Variants in NEGR1 observed in about 807,000 individuals in gnomAD.
The protein encoded by NEGR1 is IgLON family member 4.
A neutral mutation model predicts 40.9 loss-of-function variants in NEGR1; 10 were observed. That is an observed-to-expected ratio of 0.24 (90% CI 0.15 to 0.42). NEGR1 has a LOEUF of 0.42. Among genes scored for constraint, NEGR1 ranks in the 10% least tolerant of loss-of-function variants. The pLI is 1.00. For missense variants in NEGR1, 352 were observed against 438.9 expected, an observed-to-expected ratio of 0.80 and a Z score of 1.77; for synonymous variants, 185 against 166.8, an observed-to-expected ratio of 1.11 and a Z score of -0.84.
intron 2 of NEGR1, among the ~76,000 whole-genome samples, chr1:71,858,229 C>G (rs1227776615): frequency 6.6e-6 from 1 of 152,042 alleles, no homozygotes; most frequent in Non-Finnish European, 1.5e-5. Context: ...CCAAAGCTCA[C>G]AGTGAAATAT....
At chr1:71,644,878 A>G (rs1312565343) in intron 4 of NEGR1, among the ~76,000 whole-genome samples, 1 of 151,844 alleles carries the variant, frequency 6.6e-6, no homozygotes, top group Non-Finnish European at 1.5e-5. Flanking sequence ...CCAGGCTACT[A>G]TCTGTTCACA....
intron 3 of NEGR1, among the ~76,000 whole-genome samples, chr1:71,747,639 G>T (rs1318764547): frequency 1.3e-5 from 2 of 151,848 alleles, no homozygotes; most frequent in South Asian, 2.1e-4. Flanking sequence ...TGGCCAGTCT[G>T]GTCTCAAACT....
rs1353107942 is a variant in NEGR1, at chr1:71,399,620, G to A, written c.*7826C>T. 1.3e-5 allele frequency: 2 copies of A among 152,218 alleles called. No individual in the cohort carries two copies. Among genetic ancestry groups the A allele is most frequent in the Non-Finnish European group, 2.9e-5 (2 of 68,038 alleles). The allele number at this position is 152,218 out of a possible 1,614,324, so 9.4% of individuals were successfully genotyped here. A position where few individuals can be genotyped will look rare whatever the true frequency, so the allele number is the denominator to read the frequency against. ...AAGCTTATTTTCCAGATCACTGATAGCAATGCGATTTTGTATTTGTGTGTG... is the reference window on the plus strand; with the variant it reads ...AAGCTTATTTTCCAGATCACTGATAACAATGCGATTTTGTATTTGTGTGTG... On this transcript the variant is annotated 3_prime_UTR_variant, in exon 7 of 7. Transcript: ENST00000357731.
At chr1:71,755,262 G>A (rs1011234481) in intron 3 of NEGR1, among the ~76,000 whole-genome samples, 2 of 151,936 alleles carry the variant, frequency 1.3e-5, no homozygotes, top group Non-Finnish European at 2.9e-5. Context: ...GGGATTCCCC[G>A]AGTCCTCTTC....
At chr1:71,894,240 A>G (rs1446016717) in intron 2 of NEGR1, among the ~76,000 whole-genome samples, 1 of 117,798 alleles carries the variant, frequency 8.5e-6, no homozygotes, top group Non-Finnish European at 1.7e-5. Context: ...ATAAAAAAAG[A>G]AAAAAAAAAA....
Position 72,015,163 on chromosome 1 carries a change from ATGTTAAGAAAAAGTGTCC to A in NEGR1, c.177-79870_177-79853del, listed in dbSNP as rs1416028792. ...AATTTTTAAAAATATGTAATTTAAT[ATGTTAAGAAAAAGTGTCC>A]CTGAATTTGTCATATAAGCATATTT... On this transcript the variant is annotated intron_variant, in intron 1 of 6. Coordinates refer to ENST00000357731, the MANE Select transcript of NEGR1 (RefSeq NM_173808.3). Among the ~76,000 whole-genome samples the A allele has an allele frequency of 5.9e-5, 9 of 152,262 alleles. No homozygotes were observed. In the South Asian group the frequency reaches 1.9e-3, roughly 32 times the overall value.
intron 2 of NEGR1, among the ~76,000 whole-genome samples, chr1:71,848,858 C>G (rs1243242740): frequency 6.6e-6 from 1 of 152,040 alleles, no homozygotes. Flanking sequence ...GAGGCCGAGG[C>G]GGGTGGATCA....
At chr1:72,030,193 C>CTT (rs758800300) in intron 1 of NEGR1, among the ~76,000 whole-genome samples, 1 of 145,388 alleles carries the variant, frequency 6.9e-6, no homozygotes, top group Non-Finnish European at 1.5e-5. Flanking sequence ...GCTAGGGATA[C>CTT]TTTTTTTTTT....
At chr1:71,603,934 C>T (rs1469562010) in intron 5 of NEGR1, among the ~76,000 whole-genome samples, 3 of 152,086 alleles carry the variant, frequency 2.0e-5, no homozygotes, top group Non-Finnish European at 2.9e-5. Flanking sequence ...CCTGCTTTAC[C>T]TCACTGTTGA....
intron 1 of NEGR1, among the ~76,000 whole-genome samples, chr1:72,126,122 T>TGTGA (rs1553142848): frequency 1.3e-5 from 2 of 150,386 alleles, no homozygotes; most frequent in Non-Finnish European, 3.0e-5. Context: ...TGTGTGTGTG[T>TGTGA]GTGTGTGTGT....
chr1:71,432,846 T>A (rs1229534628), intron 6 of NEGR1, among the ~76,000 whole-genome samples: 7 of 152,208 alleles, frequency 4.6e-5, no homozygotes, highest in Admixed American at 4.6e-4. Context: ...AGCTCCTGGA[T>A]GGTGTTGGAA....
chr1:71,894,785 G>A (rs1660920170), intron 2 of NEGR1, among the ~76,000 whole-genome samples: 1 of 152,188 alleles, frequency 6.6e-6, no homozygotes, highest in Admixed American at 6.5e-5. Flanking sequence ...GCTCATGCCT[G>A]TAGTTTAAGC....
chr1:72,059,363 G>A (rs1377899797), intron 1 of NEGR1, among the ~76,000 whole-genome samples: 1 of 151,490 alleles, frequency 6.6e-6, no homozygotes. Context: ...AATATCTTCT[G>A]TAGATACATA....
intron 6 of NEGR1, among the ~76,000 whole-genome samples, chr1:71,503,271 C>T (rs1251591210): frequency 6.6e-6 from 1 of 152,118 alleles, no homozygotes; most frequent in African/African-American, 2.4e-5. Context: ...AAAATCCCAT[C>T]CTCATAGGAG....
intron 2 of NEGR1, among the ~76,000 whole-genome samples, chr1:71,848,044 C>T (rs1043572517): frequency 6.6e-6 from 1 of 152,136 alleles, no homozygotes. Context: ...ATCGAATAGC[C>T]ACAACAGTCC....
At chr1:72,028,182 C>T (rs1420295684) in intron 1 of NEGR1, among the ~76,000 whole-genome samples, 1 of 152,128 alleles carries the variant, frequency 6.6e-6, no homozygotes, top group Non-Finnish European at 1.5e-5. Context: ...TTAAATAGTC[C>T]TCAGCCTGTT....
intron 6 of NEGR1, among the ~76,000 whole-genome samples, chr1:71,449,996 T>C (rs1280148479): frequency 6.6e-6 from 1 of 151,248 alleles, no homozygotes; most frequent in Admixed American, 6.6e-5. Context: ...ATATAGATTT[T>C]TTTTTTTTTT....
chr1:71,628,182 G>A (rs1454654546), intron 4 of NEGR1, among the ~76,000 whole-genome samples: 1 of 151,880 alleles, frequency 6.6e-6, no homozygotes, highest in Non-Finnish European at 1.5e-5. Flanking sequence ...CTCAGTGCTC[G>A]AGGTCAAGGA....
chr1:72,126,779 A>G (rs149624841), intron 1 of NEGR1, among the ~76,000 whole-genome samples: 2 of 152,310 alleles, frequency 1.3e-5, no homozygotes, highest in Non-Finnish European at 2.9e-5. Context: ...TCATGTCCTC[A>G]TAAGTTCTCC....
Sources: allele counts gnomAD v4.1 joint callset (sites outside exome capture counted in the v4.1 genomes callset), GRCh38; gene constraint gnomAD v4.1.1; transcripts MANE v1.5; gene names NCBI Gene and HGNC (gene_info 2026-07-23, HGNC 2026-07-21).